ARHGAP15: variants seen among roughly 807,000 people sequenced by gnomAD.
ARHGAP15 encodes the protein rho GTPase-activating protein 15.
ARHGAP15 carries 51 observed loss-of-function variants against 63.7 expected under a neutral mutation model. The observed-to-expected ratio is 0.80, with a 90% CI of 0.64 to 1.01. The LOEUF (loss-of-function observed/expected upper bound fraction) is 1.01. Among genes scored for constraint, ARHGAP15 ranks in the 50% least tolerant of loss-of-function variants. The pLI is 0.00. For synonymous variants in ARHGAP15, 191 were observed against 193.8 expected, an observed-to-expected ratio of 0.99 and a Z score of 0.12; for missense variants, 560 against 564.6, an observed-to-expected ratio of 0.99 and a Z score of 0.08.
intron 10 of ARHGAP15, among the ~76,000 whole-genome samples, chr2:143,533,965 T>C (rs1694634001): frequency 1.3e-5 from 2 of 152,214 alleles, no homozygotes; most frequent in Admixed American, 6.5e-5. Context: ...TTAAGACTTG[T>C]GGCATTGTTT....
intron 11 of ARHGAP15, among the ~76,000 whole-genome samples, chr2:143,595,329 T>C (rs1462177647): frequency 6.6e-6 from 1 of 152,108 alleles, no homozygotes; most frequent in Admixed American, 6.6e-5. Context: ...GAGCTGATAA[T>C]GTCAGGACAG....
chr2:143,572,470 C>A (rs921506911), intron 11 of ARHGAP15, among the ~76,000 whole-genome samples: 1 of 152,280 alleles, frequency 6.6e-6, no homozygotes, highest in South Asian at 2.1e-4. Flanking sequence ...TCTCAAGAGT[C>A]CACTCAGACT....
intron 13 of ARHGAP15, among the ~76,000 whole-genome samples, chr2:143,721,061 CAAAA>C (rs60500194): frequency 5.1e-5 from 4 of 78,430 alleles, no homozygotes; most frequent in East Asian, 3.7e-4. Context: ...GACTCCGTCT[CAAAA>C]AAAAAAAAAA....
intron 6 of ARHGAP15, among the ~76,000 whole-genome samples, chr2:143,358,826 G>C (rs897118533): frequency 6.6e-6 from 1 of 151,252 alleles, no homozygotes; most frequent in African/African-American, 2.4e-5. Context: ...CATCAACACA[G>C]ACATTATAAA....
At chr2:143,545,633 A>C (rs779082889) in intron 10 of ARHGAP15, among the ~76,000 whole-genome samples, 2 of 152,154 alleles carry the variant, frequency 1.3e-5, no homozygotes, top group Non-Finnish European at 2.9e-5. Flanking sequence ...GATTTTTAAA[A>C]AGTGAACAGC....
rs573322779 is a variant in ARHGAP15, at chr2:143,384,201, T to C, written c.475-51400T>C. 3.3e-5 allele frequency among the ~76,000 whole-genome samples: 5 copies of C among 152,246 alleles called. No homozygotes were observed. In the South Asian group the frequency reaches 1.0e-3, roughly 32 times the overall value. ...GTATGCCTGTTGATTTTTTTTTTCT[T>C]TTCGTTGATTTTTCATGGAGTTGAT... On this transcript the variant is annotated intron_variant, in intron 6 of 13. Coordinates refer to ENST00000295095, the MANE Select transcript of ARHGAP15 (RefSeq NM_018460.4).
chr2:143,246,860 G>A (rs758670828), intron 5 of ARHGAP15, among the ~76,000 whole-genome samples: 2 of 152,194 alleles, frequency 1.3e-5, no homozygotes, highest in Non-Finnish European at 2.9e-5. Context: ...GAAAATCACT[G>A]AAGTGGAGAC....
At chr2:143,693,360 T>G (rs1266802052) in intron 12 of ARHGAP15, among the ~76,000 whole-genome samples, 1 of 152,230 alleles carries the variant, frequency 6.6e-6, no homozygotes, top group Non-Finnish European at 1.5e-5. Flanking sequence ...AATCTTGATT[T>G]GCTTAAATTG....
intron 12 of ARHGAP15, among the ~76,000 whole-genome samples, chr2:143,645,268 T>C (rs1680815123): frequency 6.6e-6 from 1 of 152,054 alleles, no homozygotes; most frequent in Non-Finnish European, 1.5e-5. Context: ...GATCTGCAGA[T>C]TGAAAAGAAC....
At chr2:143,524,746 C>T (rs1694194106) in intron 10 of ARHGAP15, among the ~76,000 whole-genome samples, 1 of 152,166 alleles carries the variant, frequency 6.6e-6, no homozygotes, top group South Asian at 2.1e-4. Flanking sequence ...CGTGGCTGGA[C>T]ACCTACTCAA....
rs546431577 is a variant in ARHGAP15 at position 143,696,269 on chromosome 2, C to T, written c.1139-7150C>T. 4.6e-5 allele frequency among the ~76,000 whole-genome samples: 7 copies of T among 151,936 alleles called. No homozygotes were observed. In the South Asian group the frequency reaches 1.5e-3, roughly 32 times the overall value. ...GACACCTTTTGTAATTTATCTGCCCCTCCAGATTGTAAAATGAAAAGATAG... is the reference window on the plus strand; with the variant it reads ...GACACCTTTTGTAATTTATCTGCCCTTCCAGATTGTAAAATGAAAAGATAG... On this transcript the variant is annotated intron_variant, in intron 12 of 13. Coordinates refer to ENST00000295095, the MANE Select transcript of ARHGAP15 (RefSeq NM_018460.4).
intron 2 of ARHGAP15, among the ~76,000 whole-genome samples, chr2:143,174,627 C>A (rs1690938466): frequency 6.6e-6 from 1 of 151,958 alleles, no homozygotes; most frequent in African/African-American, 2.4e-5. Context: ...TATTCATTTT[C>A]TTTTCATAAG....
chr2:143,582,303 G>A (rs1485089666), intron 11 of ARHGAP15, among the ~76,000 whole-genome samples: 1 of 152,200 alleles, frequency 6.6e-6, no homozygotes, highest in Non-Finnish European at 1.5e-5. Flanking sequence ...CTGTCGGTTA[G>A]TGGATGTGAT....
At chr2:143,545,493 A>G (rs1322244932) in intron 10 of ARHGAP15, among the ~76,000 whole-genome samples, 1 of 55,086 alleles carries the variant, frequency 1.8e-5, no homozygotes, top group Admixed American at 2.5e-4. Context: ...ATGTTGCACA[A>G]AGTAAAAATA....
At chr2:143,651,427 T>C (rs1321375595) in intron 12 of ARHGAP15, among the ~76,000 whole-genome samples, 1 of 151,992 alleles carries the variant, frequency 6.6e-6, no homozygotes, top group Non-Finnish European at 1.5e-5. Flanking sequence ...CTAAGTAGCA[T>C]TCCACTGTAT....
intron 11 of ARHGAP15, among the ~76,000 whole-genome samples, chr2:143,589,342 C>T (rs1347017472): frequency 2.0e-5 from 3 of 152,176 alleles, no homozygotes; most frequent in Non-Finnish European, 4.4e-5. Flanking sequence ...TAAGTCATTT[C>T]TAATACCTGC....
At chr2:143,715,363 G>A (rs565927353) in intron 13 of ARHGAP15, among the ~76,000 whole-genome samples, 14 of 152,214 alleles carry the variant, frequency 9.2e-5, no homozygotes, top group Admixed American at 5.9e-4. Context: ...TTGAGATTTC[G>A]GTAGGAACAC....
At chr2:143,256,109 A>C (rs1680411820) in intron 6 of ARHGAP15, among the ~76,000 whole-genome samples, 2 of 152,150 alleles carry the variant, frequency 1.3e-5, no homozygotes, top group South Asian at 4.1e-4. Context: ...TCCTCACCTC[A>C]CCTGCCCATC....
intron 8 of ARHGAP15, among the ~76,000 whole-genome samples, chr2:143,476,154 A>C (rs1691805469): frequency 6.6e-6 from 1 of 152,216 alleles, no homozygotes. Flanking sequence ...CTTAAAGGAT[A>C]AAAACTATTG....
Sources: gnomAD v4.1 joint callset for allele counts (sites outside exome capture counted in the v4.1 genomes callset) on GRCh38, gnomAD v4.1.1 for gene constraint, MANE v1.5 for transcripts, NCBI Gene and HGNC (gene_info 2026-07-23, HGNC 2026-07-21) for gene names.